Variants in SIRPA observed in about 807,000 individuals in gnomAD.
SIRPA encodes the protein signal regulatory protein alpha.
Under a neutral mutation model 50.3 loss-of-function variants are expected in SIRPA, and 9 were observed. That is an observed-to-expected ratio of 0.18 (90% confidence interval 0.11 to 0.31). The LOEUF (loss-of-function observed/expected upper bound fraction) is 0.31, where lower values mean the gene tolerates loss of function less well. Ranked by LOEUF, SIRPA falls within the 10% of genes least tolerant of loss-of-function variation. The probability of loss-of-function intolerance (pLI) is 1.00; values close to 1 mark genes in which losing one functional copy is unlikely to be tolerated. For missense variants in SIRPA, 474 were observed against 661.6 expected, an observed-to-expected ratio of 0.72 and a Z score of 3.11; for synonymous variants, 265 against 284.1, an observed-to-expected ratio of 0.93 and a Z score of 0.68.
At chr20:1,900,094 TTTTTTTTTC>T (rs1359374988) in intron 1 of SIRPA, among the ~76,000 whole-genome samples, 3 of 136,816 alleles carry the variant, frequency 2.2e-5, no homozygotes, top group African/African-American at 9.8e-5. Flanking sequence ...CTTGTAGCTT[TTTTTTTTTC>T]TTTTTTTTTT....
In SIRPA at chr20:1,934,912, C is replaced by G; in HGVS notation, c.1266+158C>G. ...CTTTCCCCATGTCCTGTGCATATTC[C>G]TTCTCTCTACTGCAGCCAAGAGTGG... On this transcript the variant is annotated intron_variant, in intron 7 of 7. Transcript: ENST00000358771. The surrounding 1 kb of genome is among the most constrained non-coding windows in gnomAD (Gnocchi z 4.6). The G allele has an allele frequency of 5.2e-6, 4 of 769,730 alleles. No homozygotes were observed. Among genetic ancestry groups the G allele is most frequent in the Non-Finnish European group, 8.6e-6 (4 of 467,036 alleles). 47.7% of individuals were successfully genotyped at this position (769,730 alleles called of 1,614,324 possible).
chr20:1,924,277 G>T lies in SIRPA; in HGVS notation c.1088-487G>T, dbSNP rs938559324. ...GTATTTTCAAGAGTCCTGGTTCAGAGCCCCTATGCTAACTCCTGAGCCCAG... is the reference window on the plus strand; with the variant it reads ...GTATTTTCAAGAGTCCTGGTTCAGATCCCCTATGCTAACTCCTGAGCCCAG... On this transcript the variant is annotated intron_variant, in intron 4 of 7. Transcript: ENST00000358771. This position sits in a 1 kb window ranked among gnomAD's most constrained non-coding sequence, Gnocchi z 4.5. Among the ~76,000 whole-genome samples the T allele has an allele frequency of 6.6e-6, 1 of 152,190 alleles. No homozygotes were observed. Among genetic ancestry groups the T allele is most frequent in the Non-Finnish European group, 1.5e-5 (1 of 68,030 alleles).
intron 2 of SIRPA, among the ~76,000 whole-genome samples, chr20:1,919,498 T>C (rs1985514333): frequency 6.6e-6 from 1 of 152,206 alleles, no homozygotes; most frequent in South Asian, 2.1e-4. Context: ...CCCCCTCTTA[T>C]GATACAGGCC....
chr20:1,926,841 C>T (rs1247763593), intron 5 of SIRPA, among the ~76,000 whole-genome samples: 1 of 152,224 alleles, frequency 6.6e-6, no homozygotes, highest in African/African-American at 2.4e-5. Flanking sequence ...CCTTCTCCCT[C>T]ATTAGGCCCT....
intron 1 of SIRPA, among the ~76,000 whole-genome samples, chr20:1,913,411 GC>G (rs1985023455): frequency 6.6e-6 from 1 of 152,204 alleles, no homozygotes; most frequent in Non-Finnish European, 1.5e-5. Context: ...GTGGGGTGGT[GC>G]CAGGCCATGG....
At chr20:1,900,684 C>T (rs1358504545) in intron 1 of SIRPA, among the ~76,000 whole-genome samples, 3 of 152,240 alleles carry the variant, frequency 2.0e-5, no homozygotes, top group African/African-American at 7.2e-5. Context: ...CCGGCTGGAA[C>T]GCCAAGCCTC....
At chr20:1,896,987 G>T (rs1237426255) in intron 1 of SIRPA, among the ~76,000 whole-genome samples, 1 of 152,182 alleles carries the variant, frequency 6.6e-6, no homozygotes, top group Non-Finnish European at 1.5e-5. Context: ...ACTCACAAGT[G>T]CTTAATTTTC....
chr20:1,924,563 G>GT lies in SIRPA; in HGVS notation c.1088-196dup, dbSNP rs1172628506. On this transcript the variant is annotated intron_variant, in intron 4 of 7. Coordinates refer to ENST00000358771, the MANE Select transcript of SIRPA (RefSeq NM_001040023.2). The surrounding 1 kb of genome is among the most constrained non-coding windows in gnomAD (Gnocchi z 4.5). ...TATTCCCCCCTGGCACCTCAGCATG[G>GT]TTTTTGTGCTGTTCATGGATGAGTC... Among the ~76,000 whole-genome samples, 1 of 152,194 alleles carries GT rather than the reference G, an allele frequency of 6.6e-6. No individual in the cohort carries two copies. Among genetic ancestry groups the GT allele is most frequent in the African/African-American group, 2.4e-5 (1 of 41,446 alleles).
intron 5 of SIRPA, among the ~76,000 whole-genome samples, chr20:1,925,890 C>T (rs1447007209): frequency 6.6e-6 from 1 of 152,174 alleles, no homozygotes. Context: ...AAATACATTT[C>T]ACATCTCAAC....
At chr20:1,930,547 C>T (rs1986243555) in intron 6 of SIRPA, among the ~76,000 whole-genome samples, 1 of 152,188 alleles carries the variant, frequency 6.6e-6, no homozygotes, top group Admixed American at 6.5e-5. Context: ...CTACACAGCC[C>T]CATCTAGGAG....
In SIRPA at chr20:1,927,334, C is replaced by CT. The variant is rs997002851; in HGVS notation, c.1202-534dup. ...GGACACTTTCTTTCCTTCCAAGATCCTTTTTTTGGAAAGTGGTGGCATGTA... is the reference window on the plus strand; with the variant it reads ...GGACACTTTCTTTCCTTCCAAGATCCTTTTTTTTGGAAAGTGGTGGCATGTA... On this transcript the variant is annotated intron_variant, in intron 5 of 7. Transcript: ENST00000358771. This position sits in a 1 kb window ranked among gnomAD's most constrained non-coding sequence, Gnocchi z 6.5. Among the ~76,000 whole-genome samples, 23 of 152,090 alleles carry CT rather than the reference C, an allele frequency of 1.5e-4. No individual in the cohort carries two copies. The highest frequency in any genetic ancestry group is 4.1e-4 in the South Asian group (2 of 4,826).
At chr20:1,919,063 CA>C (rs1985488728) in intron 2 of SIRPA, among the ~76,000 whole-genome samples, 1 of 152,248 alleles carries the variant, frequency 6.6e-6, no homozygotes, top group African/African-American at 2.4e-5. Context: ...GCCTGGCCTG[CA>C]GTCAATGTTC....
chr20:1,899,909 A>G (rs1984069596), intron 1 of SIRPA, among the ~76,000 whole-genome samples: 1 of 152,224 alleles, frequency 6.6e-6, no homozygotes, highest in African/African-American at 2.4e-5. Flanking sequence ...GTAAGCACTC[A>G]ATACATATTA....
Position 1,921,261 on chromosome 20 carries a change from C to T in SIRPA, c.437-134C>T, listed in dbSNP as rs549452441. On this transcript the variant is annotated intron_variant, in intron 2 of 7. Coordinates refer to ENST00000358771, the MANE Select transcript of SIRPA (RefSeq NM_001040023.2). ...CTCTGTAAAATGACAATAAGGACAC[C>T]GCCCTCATTAATCCTTCCACATTAT... is the stretch of plus-strand genomic sequence containing the variant. 5.4e-6 allele frequency: 8 copies of T among 1,477,820 alleles called. No individual in the cohort carries two copies. The South Asian group carries it at 6.4e-5, about 12-fold the overall frequency. 91.5% of individuals were successfully genotyped at this position (1,477,820 alleles called of 1,614,324 possible). A position where few individuals can be genotyped will look rare whatever the true frequency, so the allele number is the denominator to read the frequency against.
In SIRPA at chr20:1,927,243, T is replaced by G. The variant is rs1029333455; in HGVS notation, c.1202-632T>G. On this transcript the variant is annotated intron_variant, in intron 5 of 7. Transcript: ENST00000358771. The surrounding 1 kb of genome is among the most constrained non-coding windows in gnomAD (Gnocchi z 6.5). The stretch of plus-strand genomic sequence containing the variant: ...TACAGCAAAATGGGAGTCAAACGGC[T>G]GCTGAACCCTGGAGGCTTCTCTGTG... 6.6e-6 allele frequency among the ~76,000 whole-genome samples: 1 copy of G among 152,252 alleles called. No individual in the cohort carries two copies. Among genetic ancestry groups the G allele is most frequent in the Admixed American group, 6.5e-5 (1 of 15,284 alleles).
Position 1,934,855 on chromosome 20 carries a change from G to A in SIRPA, c.1266+101G>A, listed in dbSNP as rs1169892156. Reference sequence around the variant, plus strand: ...CTGGTTCTAAATTAAGACTCCTTGTGGGGTGGAGGGTGGAGGATCTTACAC... The same window carrying A: ...CTGGTTCTAAATTAAGACTCCTTGTAGGGTGGAGGGTGGAGGATCTTACAC... On this transcript the variant is annotated intron_variant, in intron 7 of 7. Coordinates refer to ENST00000358771, the MANE Select transcript of SIRPA (RefSeq NM_001040023.2). This position sits in a 1 kb window ranked among gnomAD's most constrained non-coding sequence, Gnocchi z 4.6. The A allele has an allele frequency of 1.5e-6, 2 of 1,295,366 alleles. No individual in the cohort carries two copies. Among genetic ancestry groups the A allele is most frequent in the Non-Finnish European group, 2.2e-6 (2 of 891,924 alleles). 80.2% of individuals were successfully genotyped at this position (1,295,366 alleles called of 1,614,324 possible).
chr20:1,920,159 A>C (rs887688165), intron 2 of SIRPA, among the ~76,000 whole-genome samples: 7 of 152,182 alleles, frequency 4.6e-5, no homozygotes, highest in Admixed American at 3.9e-4. Flanking sequence ...TGAGGATTAA[A>C]GAGCTGACGG....
At chr20:1,929,243 G>C (rs1986164490) in intron 6 of SIRPA, among the ~76,000 whole-genome samples, 1 of 152,108 alleles carries the variant, frequency 6.6e-6, no homozygotes, top group African/African-American at 2.4e-5. Flanking sequence ...GTGGAGCCCA[G>C]ACTACAGGAG....
At chr20:1,917,855 A>G (rs1985394442) in intron 2 of SIRPA, among the ~76,000 whole-genome samples, 1 of 152,160 alleles carries the variant, frequency 6.6e-6, no homozygotes, top group African/African-American at 2.4e-5. Flanking sequence ...GCTATAGGGT[A>G]ACCAGATCTG....
Sources: allele counts gnomAD v4.1 joint callset (sites outside exome capture counted in the v4.1 genomes callset), GRCh38; gene constraint gnomAD v4.1.1; non-coding constraint Gnocchi (gnomAD v3.1); transcripts MANE v1.5; gene names NCBI Gene and HGNC (gene_info 2026-07-23, HGNC 2026-07-21).